ZDHHC23: variants seen among roughly 807,000 people sequenced by gnomAD.
The protein encoded by ZDHHC23 is palmitoyltransferase ZDHHC23.
A neutral mutation model predicts 40.2 loss-of-function variants in ZDHHC23; 41 were observed. The observed-to-expected ratio is 1.02, with a 90% CI of 0.79 to 1.32. The LOEUF (loss-of-function observed/expected upper bound fraction) is 1.32, where lower values mean the gene tolerates loss of function less well. Ranked by LOEUF, ZDHHC23 falls within the 40% of genes most tolerant of loss-of-function variation. The pLI is 0.00. For missense variants in ZDHHC23, 471 were observed against 541.5 expected, an observed-to-expected ratio of 0.87 and a Z score of 1.29; for synonymous variants, 204 against 210.2, an observed-to-expected ratio of 0.97 and a Z score of 0.26.
At chr3:113,967,400 T>C (rs762765098), downstream of ZDHHC23, among the ~76,000 whole-genome samples, 32 of 152,120 alleles carry the variant, frequency 2.1e-4, no homozygotes, top group Non-Finnish European at 3.2e-4. Context: ...CCTACATTTC[T>C]CTTTCTTTCC....
chr3:113,972,424 G>A, the ZDHHC23 span, among the ~76,000 whole-genome samples: 3 of 151,944 alleles, frequency 2.0e-5, no homozygotes, highest in Admixed American at 2.0e-4. Flanking sequence ...TTATTCTATT[G>A]TGGTCAGAAT....
chr3:113,948,555 T>G, intron 1 of ZDHHC23, 131 bp from the exon 2 acceptor site: 1 of 414,368 alleles, frequency 2.4e-6, no homozygotes, highest in Non-Finnish European at 4.4e-6. Flanking sequence ...CTGCCCAGGC[T>G]GGGAAGGGGC....
At position 113,953,645 on chromosome 3, in the gene ZDHHC23, T is replaced by C. The variant is rs1938893820; in HGVS notation, c.162-55T>C. Reference sequence around the variant, plus strand: ...TGTTTGGCATTCAGTGTTCTGTAGCTTTTAATTCAACAAACCCACATGAAG... The same window carrying C: ...TGTTTGGCATTCAGTGTTCTGTAGCCTTTAATTCAACAAACCCACATGAAG... On this transcript the variant is annotated intron_variant, in intron 2 of 4. Coordinates refer to ENST00000638807, the MANE Select transcript of ZDHHC23 (RefSeq NM_001320466.2). 2.4e-5 allele frequency: 36 copies of C among 1,494,814 alleles called. 1 individual carries two copies. The South Asian group carries it at 4.0e-4, about 16-fold the overall frequency. 92.6% of individuals were successfully genotyped at this position (1,494,814 alleles called of 1,614,324 possible). A position where few individuals can be genotyped will look rare whatever the true frequency, so the allele number is the denominator to read the frequency against.
At chr3:113,965,768 T>A (rs1161477185), downstream of ZDHHC23, among the ~76,000 whole-genome samples, 1 of 151,996 alleles carries the variant, frequency 6.6e-6, no homozygotes, top group Non-Finnish European at 1.5e-5. Flanking sequence ...TTTTTTTTTG[T>A]ATTTTTATTG....
downstream of ZDHHC23, chr3:113,965,318 A>C: frequency 1.2e-6 from 2 of 1,610,360 alleles, no homozygotes; most frequent in Non-Finnish European, 1.7e-6. Flanking sequence ...CATAAATTTT[A>C]CAAACTTCTT....
chr3:113,953,522 T>C (rs1938881804), intron 2 of ZDHHC23, among the ~76,000 whole-genome samples, 178 bp from the exon 3 acceptor site: 1 of 152,228 alleles, frequency 6.6e-6, no homozygotes, highest in African/African-American at 2.4e-5. Flanking sequence ...AAACATCTTG[T>C]TCCTATTTTA....
intron 2 of ZDHHC23, among the ~76,000 whole-genome samples, chr3:113,951,661 C>T (rs911257930): frequency 1.3e-5 from 2 of 152,162 alleles, no homozygotes; most frequent in Admixed American, 6.5e-5. Context: ...CAAGGATCTC[C>T]GAATGCCTTC....
intron 4 of ZDHHC23, chr3:113,957,601 C>T: frequency 2.3e-6 from 1 of 438,672 alleles, no homozygotes. Context: ...CGATTCACAG[C>T]ACCTCATCTT....
intron 3 of ZDHHC23, among the ~76,000 whole-genome samples, chr3:113,955,552 G>A (rs1939139373): frequency 6.6e-6 from 1 of 152,120 alleles, no homozygotes; most frequent in South Asian, 2.1e-4. Flanking sequence ...CTGCCAAAGA[G>A]CCTGCATGTT....
the ZDHHC23 span, among the ~76,000 whole-genome samples, chr3:113,974,874 CTT>C: frequency 6.6e-6 from 1 of 152,134 alleles, no homozygotes. Flanking sequence ...CAATCTCTCT[CTT>C]TCTCTCTAAT....
Position 113,960,910 on chromosome 3 carries a change from A to G in ZDHHC23, c.*2280A>G. 1.0e-6 allele frequency: 1 copy of G among 954,116 alleles called. No individual in the cohort carries two copies. The highest frequency in any genetic ancestry group is 1.5e-6 in the Non-Finnish European group (1 of 683,610). The allele number at this position is 954,116 out of a possible 1,614,324, so 59.1% of individuals were successfully genotyped here. On this transcript the variant is annotated 3_prime_UTR_variant, in exon 5 of 5. Transcript: ENST00000638807. Reference sequence around the variant, plus strand: ...GGGAAAAGCCTTCCCAGGCGTCTGTACCGAAAGGAGCAGCAAACAAGGGGC... The same window carrying G: ...GGGAAAAGCCTTCCCAGGCGTCTGTGCCGAAAGGAGCAGCAAACAAGGGGC...
At position 113,958,513 on chromosome 3, in the gene ZDHHC23, C is replaced by G. The variant is rs1939444409; in HGVS notation, c.1191C>G (p.Leu397=). The stretch of plus-strand genomic sequence containing the variant: ...TCCGACAGAAGACTGGGCGCCGGCT[C>G]CTCTGCGGGCTCATCGTGGACACAG... The part of the protein sequence containing the change: ...QALRQKTGRR[L]LCGLIVDTGQ... The change falls in exon 5 of 5, where the codon CTC becomes CTG. Residue 397 remains leucine (L), a synonymous_variant. Transcript: ENST00000638807. 6.2e-7 allele frequency: 1 copy of G among 1,613,764 alleles called. No homozygotes were observed. Among genetic ancestry groups the G allele is most frequent in the African/African-American group, 1.3e-5 (1 of 74,914 alleles).
rs1939612716 is a variant in ZDHHC23, at chr3:113,960,597, C to T, written c.*1967C>T. ...ATTAGTCAGTAATTTTAGCTTCTTG[C>T]CAAATTGTTCACAACATCTAAATGT... On this transcript the variant is annotated 3_prime_UTR_variant, in exon 5 of 5. Coordinates refer to ENST00000638807, the MANE Select transcript of ZDHHC23 (RefSeq NM_001320466.2). The T allele has an allele frequency of 2.6e-6, 4 of 1,544,812 alleles. No individual in the cohort carries two copies. The highest frequency in any genetic ancestry group is 3.5e-6 in the Non-Finnish European group (4 of 1,153,346).
At position 113,956,320 on chromosome 3, in the gene ZDHHC23, TTCTC is replaced by T; in HGVS notation, c.873-17_873-14del. 6.3e-7 allele frequency: 1 copy of T among 1,596,212 alleles called. No individual in the cohort carries two copies. The highest frequency in any genetic ancestry group is 1.1e-5 in the South Asian group (1 of 87,442). On this transcript the variant is annotated splice_polypyrimidine_tract_variant and intron_variant, in intron 3 of 4. Transcript: ENST00000638807. ...CTTAAAAATGTGTTTGCTTTTTTATTTCTCTATGCTGTTTTGAGGATAAATAGCT... is the reference window on the plus strand; with the variant it reads ...CTTAAAAATGTGTTTGCTTTTTTATTTATGCTGTTTTGAGGATAAATAGCT...
chr3:113,972,421 A>C, the ZDHHC23 span, among the ~76,000 whole-genome samples: 1 of 151,896 alleles, frequency 6.6e-6, no homozygotes. Flanking sequence ...ATTTTATTCT[A>C]TTGTGGTCAG....
rs376765848 is a variant in ZDHHC23, at chr3:113,960,304, C to T, written c.*1674C>T. The T allele has an allele frequency of 5.7e-5, 59 of 1,027,610 alleles. No homozygotes were observed. Among genetic ancestry groups the T allele is most frequent in the South Asian group, 1.5e-4 (4 of 26,542 alleles). 63.7% of individuals were successfully genotyped at this position (1,027,610 alleles called of 1,614,324 possible). A position where few individuals can be genotyped will look rare whatever the true frequency, so the allele number is the denominator to read the frequency against. ...TTTTCCCCAGAGATGGTTTGTTTAA[C>T]GAATGATAGGCTCTGTGCCTGGGGA... On this transcript the variant is annotated 3_prime_UTR_variant, in exon 5 of 5. Transcript: ENST00000638807.
chr3:113,975,914 G>GATT, the ZDHHC23 span, among the ~76,000 whole-genome samples: 63 of 152,256 alleles, frequency 4.1e-4, no homozygotes, highest in South Asian at 4.1e-4. Flanking sequence ...TTCCTACATT[G>GATT]ATTTCACAAC....
chr3:113,978,937 C>T, the ZDHHC23 span: 3 of 1,614,080 alleles, frequency 1.9e-6, no homozygotes, highest in Admixed American at 5.0e-5. Flanking sequence ...TCTAGCCAGA[C>T]TTTCCTGACT....
the ZDHHC23 span, chr3:113,979,057 C>T: frequency 6.4e-7 from 1 of 1,552,458 alleles, no homozygotes; most frequent in Non-Finnish European, 8.8e-7. Context: ...AATTTTAAAT[C>T]ATTTAAACAA....
Sources: gnomAD v4.1 joint callset for allele counts (sites outside exome capture counted in the v4.1 genomes callset) on GRCh38, gnomAD v4.1.1 for gene constraint, MANE v1.5 for transcripts, NCBI Gene and HGNC (gene_info 2026-07-23, HGNC 2026-07-21) for gene names.